AFF3: variants seen among roughly 807,000 people sequenced by gnomAD.
AFF3 encodes the protein ALF transcription elongation factor 3, also known as AF4/FMR2 family member 3.
In AFF3, 32 loss-of-function variants were observed where a neutral mutation model predicts 129.7. The ratio of observed to expected loss-of-function variants is 0.25; its 90% CI spans 0.19 to 0.33. The LOEUF (loss-of-function observed/expected upper bound fraction) is 0.33. Among genes scored for constraint, AFF3 ranks in the 10% least tolerant of loss-of-function variants. The pLI, the probability that AFF3 is intolerant of heterozygous loss-of-function variation, is 1.00. For synonymous variants in AFF3, 644 were observed against 635.4 expected (o/e 1.01, Z -0.20); for missense variants, 1,373 against 1,592.0 (o/e 0.86, Z 2.34).
At chr2:99,940,807 C>T (rs1044089650) in intron 7 of AFF3, among the ~76,000 whole-genome samples, 1 of 152,318 alleles carries the variant, frequency 6.6e-6, no homozygotes, top group African/African-American at 2.4e-5. Flanking sequence ...GCATGAGATC[C>T]GAGAACCCTC....
rs545837675 is a variant in AFF3 at position 99,788,234 on chromosome 2, T to C, written c.922-35933A>G. Among the ~76,000 whole-genome samples, 4 of 152,318 alleles carry C rather than the reference T, an allele frequency of 2.6e-5. No individual in the cohort carries two copies. The South Asian group carries it at 8.3e-4, about 32-fold the overall frequency. ...TTATTATTTTAGAGTGCACTCCTTC[T>C]ACTCATTAAAAAAAAGTTAACTGTA... On this transcript the variant is annotated intron_variant, in intron 8 of 24. Coordinates refer to ENST00000672756, the MANE Select transcript of AFF3 (RefSeq NM_001386135.1).
At chr2:99,580,037 T>C (rs1559499931) in intron 17 of AFF3, among the ~76,000 whole-genome samples, 1 of 152,176 alleles carries the variant, frequency 6.6e-6, no homozygotes, top group Non-Finnish European at 1.5e-5. Context: ...CTTAAACTCC[T>C]CCAGTGGCCT....
At chr2:100,039,581 C>T (rs1685256532) in intron 4 of AFF3, among the ~76,000 whole-genome samples, 1 of 152,024 alleles carries the variant, frequency 6.6e-6, no homozygotes, top group Non-Finnish European at 1.5e-5. Context: ...AAGGCCCTCC[C>T]CCATGGCCAA....
At chr2:100,072,836 C>A (rs944242118) in intron 4 of AFF3, among the ~76,000 whole-genome samples, 1 of 152,150 alleles carries the variant, frequency 6.6e-6, no homozygotes, top group Non-Finnish European at 1.5e-5. Flanking sequence ...GCCTTTTCAC[C>A]TTCATTTCCC....
chr2:99,844,231 A>T (rs1274727450), intron 7 of AFF3, among the ~76,000 whole-genome samples: 2 of 152,132 alleles, frequency 1.3e-5, no homozygotes, highest in African/African-American at 4.8e-5. Flanking sequence ...ATTTTAAAAA[A>T]ATTATTGAGG....
At chr2:99,751,807 A>G (rs964465602) in intron 9 of AFF3, among the ~76,000 whole-genome samples, 1 of 152,244 alleles carries the variant, frequency 6.6e-6, no homozygotes, top group Non-Finnish European at 1.5e-5. Flanking sequence ...TAAAAAAGAT[A>G]TTCAGGGAAA....
chr2:99,786,685 A>G (rs1684816517), intron 8 of AFF3, among the ~76,000 whole-genome samples: 1 of 152,182 alleles, frequency 6.6e-6, no homozygotes, highest in African/African-American at 2.4e-5. Flanking sequence ...TGCATAGTAA[A>G]AAAAAAATAA....
Position 99,670,535 on chromosome 2 carries a change from C to CTG in AFF3, c.1143+2001_1143+2002dup, listed in dbSNP as rs34684988. On this transcript the variant is annotated intron_variant, in intron 12 of 24. Coordinates refer to ENST00000672756, the MANE Select transcript of AFF3 (RefSeq NM_001386135.1). ...AATGCCAGGGAATGAGTGTATGTGT[C>CTG]TGTGTGTGTGTGTGTGTGTGTTCGT... Among the ~76,000 whole-genome samples the CTG allele has an allele frequency of 8.1e-3, 1,216 of 150,372 alleles. 25 individuals are homozygous for CTG. The highest frequency in any genetic ancestry group is 0.046 in the Admixed American group (700 of 15,112).
At position 99,678,231 on chromosome 2, in the gene AFF3, C is replaced by T. The variant is rs141013957; in HGVS notation, c.1092-5642G>A. Among the ~76,000 whole-genome samples the T allele has an allele frequency of 5.7e-3, 871 of 152,322 alleles. 10 individuals carry two copies. Among genetic ancestry groups the T allele is most frequent in the African/African-American group, 0.02 (843 of 41,564 alleles). ...TTTCAGAAAAGGGAGTAATTCAGTA[C>T]AACCTTTGCAATTTTAACATTTGAT... On this transcript the variant is annotated intron_variant, in intron 11 of 24. Coordinates refer to ENST00000672756, the MANE Select transcript of AFF3 (RefSeq NM_001386135.1).
intron 11 of AFF3, among the ~76,000 whole-genome samples, chr2:99,716,780 G>A (rs1028494871): frequency 6.6e-6 from 1 of 151,912 alleles, no homozygotes; most frequent in Non-Finnish European, 1.5e-5. Flanking sequence ...ACTTTGGGGG[G>A]GCTGAGGCAG....
intron 7 of AFF3, among the ~76,000 whole-genome samples, chr2:99,993,997 G>C (rs1680608789): frequency 6.6e-6 from 1 of 150,996 alleles, no homozygotes; most frequent in Admixed American, 6.6e-5. Flanking sequence ...GTAGAGATGG[G>C]GTTTCACCGT....
chr2:100,085,807 C>A (rs1689374958), intron 4 of AFF3, among the ~76,000 whole-genome samples: 1 of 152,066 alleles, frequency 6.6e-6, no homozygotes. Context: ...ACACAGACTC[C>A]ATGCTTCTTC....
chr2:99,900,338 C>G (rs908235015), intron 7 of AFF3, among the ~76,000 whole-genome samples: 5 of 152,178 alleles, frequency 3.3e-5, no homozygotes, highest in African/African-American at 9.7e-5. Context: ...TGTTATAGAT[C>G]AGAAATTTGG....
At chr2:99,960,712 CA>C (rs1320866968) in intron 7 of AFF3, among the ~76,000 whole-genome samples, 1 of 152,190 alleles carries the variant, frequency 6.6e-6, no homozygotes, top group Non-Finnish European at 1.5e-5. Flanking sequence ...CTAGCTAGGA[CA>C]GGGGTCCTCC....
chr2:99,927,288 T>G (rs1696321350), intron 7 of AFF3, among the ~76,000 whole-genome samples: 1 of 152,214 alleles, frequency 6.6e-6, no homozygotes, highest in African/African-American at 2.4e-5. Context: ...ATGTGTCCAT[T>G]GCAGCACTAT....
chr2:99,774,050 G>A (rs1381152666), intron 8 of AFF3, among the ~76,000 whole-genome samples: 1 of 152,110 alleles, frequency 6.6e-6, no homozygotes, highest in African/African-American at 2.4e-5. Context: ...ACCTCTTCAA[G>A]AAGAACTACA....
At position 100,039,337 on chromosome 2, in the gene AFF3, T is replaced by C. The variant is rs151140713; in HGVS notation, c.54-30405A>G. Among the ~76,000 whole-genome samples, 888 of 152,242 alleles carry C rather than the reference T, an allele frequency of 5.8e-3. 8 individuals carry two copies. Among genetic ancestry groups the C allele is most frequent in the African/African-American group, 0.021 (853 of 41,568 alleles). ...GCTTTAGGAGACCTAGACAGGAGGA[T>C]TGCTTGAGCCTAGGTGGTCGAGATC... is the stretch of plus-strand genomic sequence containing the variant. On this transcript the variant is annotated intron_variant, in intron 4 of 24. Transcript: ENST00000672756.
At chr2:99,650,144 A>C (rs1365000822) in intron 12 of AFF3, among the ~76,000 whole-genome samples, 1 of 152,250 alleles carries the variant, frequency 6.6e-6, no homozygotes, top group Admixed American at 6.5e-5. Flanking sequence ...GCCACTAGAA[A>C]TCTCAAGGGA....
At chr2:99,657,462 T>C (rs1415034775) in intron 12 of AFF3, among the ~76,000 whole-genome samples, 2 of 152,192 alleles carry the variant, frequency 1.3e-5, no homozygotes, top group African/African-American at 2.4e-5. Context: ...TAAAAGAACA[T>C]TGATGGCAGA....
Sources: allele counts gnomAD v4.1 joint callset (sites outside exome capture counted in the v4.1 genomes callset), GRCh38; gene constraint gnomAD v4.1.1; transcripts MANE v1.5; gene names NCBI Gene and HGNC (gene_info 2026-07-23, HGNC 2026-07-21).